AKR7A2: variants seen among roughly 807,000 people sequenced by gnomAD.
AKR7A2 encodes the protein aflatoxin B1 aldehyde reductase member 2.
AKR7A2 carries 29 observed loss-of-function variants against 37.3 expected under a neutral mutation model. That is an observed-to-expected ratio of 0.78 (90% CI 0.58 to 1.06). AKR7A2 has a LOEUF of 1.06. AKR7A2 is among the 50% of genes least tolerant of loss of function. The pLI, the probability that AKR7A2 is intolerant of heterozygous loss-of-function variation, is 0.00. For missense variants in AKR7A2, 529 were observed against 497.9 expected (o/e 1.06, Z -0.59); for synonymous variants, 228 against 217.8 (o/e 1.05, Z -0.41).
Position 19,308,268 on chromosome 1 carries a change from TG to T in AKR7A2, c.487-7del. 6.2e-7 allele frequency: 1 copy of T among 1,614,176 alleles called. No individual in the cohort carries two copies. The highest frequency in any genetic ancestry group is 2.2e-5 in the East Asian group (1 of 44,880). ...CCAAGCTCCACGAACTTGCCCTGCA[TG>T]GGTGAGGCTCCAGTCAGAACGCAGT... On this transcript the variant is annotated splice_region_variant and splice_polypyrimidine_tract_variant and intron_variant, in intron 2 of 6. Coordinates refer to ENST00000235835, the MANE Select transcript of AKR7A2 (RefSeq NM_003689.4).
chr1:19,306,125 C>T lies in AKR7A2; in HGVS notation c.811G>A (p.Glu271Lys), dbSNP rs1000665176. 1.1e-5 allele frequency: 18 copies of T among 1,614,066 alleles called. No individual in the cohort carries two copies. Among genetic ancestry groups the T allele is most frequent in the East Asian group, 4.5e-5 (2 of 44,892 alleles). ...GCCTTCTCCACCAACGCAATGGCCT[C>T]GAAGTGGTGCTCCTTCCAGAAGCTG... ...RNRFWKEHHFEAIALVEKALQ... is the reference protein window; with the variant it reads ...RNRFWKEHHFKAIALVEKALQ... The change falls in exon 6 of 7, where the codon GAG becomes AAG. Residue 271 changes from glutamate to lysine, a missense_variant. Physicochemically the swap from Glu to Lys is moderately conservative, Grantham distance 56. Transcript: ENST00000235835.
Position 19,307,043 on chromosome 1 carries a change from G to A in AKR7A2, c.747C>T (p.Gly249=), listed in dbSNP as rs776044049. The change falls in exon 5 of 7, where the codon GGC becomes GGT. Residue 249 remains glycine (G), a synonymous_variant. Coordinates refer to ENST00000235835, the MANE Select transcript of AKR7A2 (RefSeq NM_003689.4). ...CAGCCCAGCTATTCCCAAAGAAGCG[G>A]CCCACAGGCTGTTTCCCGTCCTTGT... is the stretch of plus-strand genomic sequence containing the variant. ...YEDKDGKQPV[G]RFFGNSWAET... is the part of the protein sequence containing the mutation. 2.7e-5 allele frequency: 43 copies of A among 1,614,112 alleles called. No individual in the cohort carries two copies. Among genetic ancestry groups the A allele is most frequent in the Non-Finnish European group, 3.3e-5 (39 of 1,180,050 alleles).
chr1:19,310,857 T>G lies in AKR7A2; in HGVS notation c.298+970A>C, dbSNP rs1024049180. Among the ~76,000 whole-genome samples the G allele has an allele frequency of 3.9e-5, 6 of 152,002 alleles. No individual in the cohort carries two copies. The East Asian group carries it at 9.7e-4, about 25-fold the overall frequency. On this transcript the variant is annotated intron_variant, in intron 1 of 6. Coordinates refer to ENST00000235835, the MANE Select transcript of AKR7A2 (RefSeq NM_003689.4). ...TCAGGATAGTCCAGTGGGTGAAGCA[T>G]GGTAAGGGTAACAGCCCACGTTCCC...
intron 3 of AKR7A2, chr1:19,307,912 TGA>T: frequency 3.3e-6 from 2 of 601,542 alleles, no homozygotes. Context: ...TGTTCCAGGC[TGA>T]AGTATGAAAG....
chr1:19,303,346 T>C (rs1382908030), downstream of AKR7A2, among the ~76,000 whole-genome samples: 1 of 152,188 alleles, frequency 6.6e-6, no homozygotes, highest in Non-Finnish European at 1.5e-5. Flanking sequence ...CTGCTCCAAG[T>C]GCTGCCTGCT....
rs371998843 is a variant in AKR7A2, at chr1:19,306,047, G to T, written c.889C>A (p.Arg297=). 2.5e-6 allele frequency: 4 copies of T among 1,614,004 alleles called. No homozygotes were observed. The African/African-American group carries it at 4.0e-5, about 16-fold the overall frequency. The change falls in exon 6 of 7, where the codon CGG becomes AGG. Residue 297 remains arginine, a synonymous_variant. Coordinates refer to ENST00000235835, the MANE Select transcript of AKR7A2 (RefSeq NM_003689.4). ...AGCTGTGAGTGGTGGTACATCCACC[G>T]GAGGGCAGCCGAGGTCACACTGGGG... ...SAPSVTSAAL[R]WMYHHSQLQG...
Position 19,311,714 on chromosome 1 carries a change from C to G in AKR7A2, c.298+113G>C, listed in dbSNP as rs1424510305. On this transcript the variant is annotated intron_variant, in intron 1 of 6. Coordinates refer to ENST00000235835, the MANE Select transcript of AKR7A2 (RefSeq NM_003689.4). ...TGCGGGGTGGACCTGGGGTGGGGAG[C>G]GAGGGACGAATCCGTCGGTGCTGCC... The G allele has an allele frequency of 3.6e-5, 49 of 1,368,092 alleles. No homozygotes were observed. In the Admixed American group the frequency reaches 9.5e-4, roughly 27 times the overall value. 84.7% of individuals were successfully genotyped at this position (1,368,092 alleles called of 1,614,324 possible). A position where few individuals can be genotyped will look rare whatever the true frequency, so the allele number is the denominator to read the frequency against.
chr1:19,311,593 G>A (rs1001252631), intron 1 of AKR7A2, among the ~76,000 whole-genome samples: 3 of 152,222 alleles, frequency 2.0e-5, no homozygotes, highest in South Asian at 2.1e-4. Flanking sequence ...AGACCAGGCT[G>A]GGGGGAGACT....
At chr1:19,308,283 T>G in intron 2 of AKR7A2, 21 bp from the exon 3 acceptor site, 1 of 1,613,928 alleles carries the variant, frequency 6.2e-7, no homozygotes, top group Non-Finnish European at 8.5e-7. Flanking sequence ...GAGGCTCCAG[T>G]CAGAACGCAG....
In AKR7A2 at chr1:19,306,040, A is replaced by C. The variant is rs758623540; in HGVS notation, c.896T>G (p.Met299Arg). Residue 299 changes from methionine to arginine, a missense_variant, in exon 6 of 7, where the codon ATG (methionine) becomes AGG (arginine). Met to Arg is a moderately conservative substitution (Grantham distance 91). Transcript: ENST00000235835. ...PSVTSAALRWMYHHSQLQGAH... is the reference protein window; with the variant it reads ...PSVTSAALRWRYHHSQLQGAH... ...TACCTGCAGCTGTGAGTGGTGGTAC[A>C]TCCACCGGAGGGCAGCCGAGGTCAC... 9 of 1,613,962 alleles carry C rather than the reference A, an allele frequency of 5.6e-6. No individual in the cohort carries two copies. The African/African-American group carries it at 1.2e-4, about 22-fold the overall frequency.
At position 19,308,595 on chromosome 1, in the gene AKR7A2, G is replaced by A; in HGVS notation, c.346C>T (p.Pro116Ser). 2 of 1,614,166 alleles carry A rather than the reference G, an allele frequency of 1.2e-6. No homozygotes were observed. Among genetic ancestry groups the A allele is most frequent in the Non-Finnish European group, 1.7e-6 (2 of 1,180,018 alleles). The change falls in exon 2 of 7, where the codon CCT (proline) becomes TCT (serine). Residue 116 changes from proline to serine, a missense_variant. Coordinates refer to ENST00000235835, the MANE Select transcript of AKR7A2 (RefSeq NM_003689.4). ...TCCAGCTGGGACCGGACACTGTCAG[G>A]CTTTAGTGATTTTCCATCCCAAGGG... ...ANPWDGKSLK[P>S]DSVRSQLETS...
intron 1 of AKR7A2, among the ~76,000 whole-genome samples, chr1:19,310,073 G>T (rs2093769313): frequency 6.6e-6 from 1 of 150,778 alleles, no homozygotes; most frequent in African/African-American, 2.5e-5. Flanking sequence ...GAGACTCTGT[G>T]TCAAAAAACA....
chr1:19,308,026 G>A, intron 3 of AKR7A2, 132 bp downstream of exon 3: 1 of 1,173,850 alleles, frequency 8.5e-7, no homozygotes, highest in East Asian at 2.4e-5. Context: ...AGGGTACATG[G>A]GAGCCATCTG....
intron 6 of AKR7A2, among the ~76,000 whole-genome samples, chr1:19,305,360 C>T (rs2093759859): frequency 6.6e-6 from 1 of 152,048 alleles, no homozygotes; most frequent in Admixed American, 6.6e-5. Flanking sequence ...TTTTTTTAGA[C>T]AGGGTCTTGC....
At position 19,306,090 on chromosome 1, in the gene AKR7A2, G is replaced by A. The variant is rs963724504; in HGVS notation, c.846C>T (p.Ala282=). 11 of 1,614,054 alleles carry A rather than the reference G, an allele frequency of 6.8e-6. No homozygotes were observed. Among genetic ancestry groups the A allele is most frequent in the East Asian group, 6.7e-5 (3 of 44,896 alleles). ...AIALVEKALQ[A]AYGASAPSVT... Reference sequence around the variant, plus strand: ...CACTGGGGGCGCTGGCGCCATATGCGGCCTGCAGGGCCTTCTCCACCAACG... The same window carrying A: ...CACTGGGGGCGCTGGCGCCATATGCAGCCTGCAGGGCCTTCTCCACCAACG... Residue 282 remains alanine, a synonymous_variant, in exon 6 of 7, where the codon GCC becomes GCT. Coordinates refer to ENST00000235835, the MANE Select transcript of AKR7A2 (RefSeq NM_003689.4).
Position 19,307,309 on chromosome 1 carries a change from C to A in AKR7A2, c.688+5G>T, listed in dbSNP as rs932389142. The A allele has an allele frequency of 1.2e-5, 19 of 1,612,814 alleles. No individual in the cohort carries two copies. Among genetic ancestry groups the A allele is most frequent in the Non-Finnish European group, 1.6e-5 (19 of 1,179,954 alleles). On this transcript the variant is annotated splice_donor_5th_base_variant and intron_variant, in intron 4 of 6. Transcript: ENST00000235835. ...CTGAGACAGGGTCAGGAATGCTCCA[C>A]GTACCAGCCAGAGGGTTGTAGGCAT... is the stretch of plus-strand genomic sequence containing the variant.
intron 1 of AKR7A2, among the ~76,000 whole-genome samples, chr1:19,309,753 T>A (rs1481956084): frequency 6.6e-6 from 1 of 151,682 alleles, no homozygotes; most frequent in Non-Finnish European, 1.5e-5. Flanking sequence ...AGCAAGACCC[T>A]CCCTCTACAA....
rs760217273 is a variant in AKR7A2, at chr1:19,304,217, T to C, written c.*8A>G. On this transcript the variant is annotated 3_prime_UTR_variant, in exon 7 of 7. Coordinates refer to ENST00000235835, the MANE Select transcript of AKR7A2 (RefSeq NM_003689.4). ...GAAAAGCCTTGGGCAGCCTGAGCCATGATGGGCCTAGCGGAAGTAGTTGGG... is the reference window on the plus strand; with the variant it reads ...GAAAAGCCTTGGGCAGCCTGAGCCACGATGGGCCTAGCGGAAGTAGTTGGG... 2 of 1,614,012 alleles carry C rather than the reference T, an allele frequency of 1.2e-6. No homozygotes were observed. Among genetic ancestry groups the C allele is most frequent in the South Asian group, 1.1e-5 (1 of 91,080 alleles).
At chr1:19,311,636 G>A (rs891178922) in intron 1 of AKR7A2, among the ~76,000 whole-genome samples, 191 bp downstream of exon 1, 5 of 152,144 alleles carry the variant, frequency 3.3e-5, no homozygotes, top group African/African-American at 1.2e-4. Flanking sequence ...AAGGAGAGTG[G>A]GGGAAAGGAG....
Sources: gnomAD v4.1 joint callset for allele counts (sites outside exome capture counted in the v4.1 genomes callset) on GRCh38, gnomAD v4.1.1 for gene constraint, MANE v1.5 for transcripts, NCBI Gene and HGNC (gene_info 2026-07-23, HGNC 2026-07-21) for gene names.